TG: variants seen among roughly 807,000 people sequenced by gnomAD.
TG encodes the protein thyroglobulin, also known as thyroid hormones.
In TG, 270 loss-of-function variants were observed where a neutral mutation model predicts 324.7. The ratio of observed to expected loss-of-function variants is 0.83; its 90% CI spans 0.75 to 0.92. The LOEUF (loss-of-function observed/expected upper bound fraction) is 0.92. Ranked by LOEUF, TG falls within the 40% of genes least tolerant of loss-of-function variation. TG has a pLI of 0.00. For missense variants in TG, 3,591 were observed against 3,456.4 expected (o/e 1.04, Z -0.98); for synonymous variants, 1,401 against 1,327.0 (o/e 1.06, Z -1.21).
intron 45 of TG, among the ~76,000 whole-genome samples, chr8:133,124,345 T>C (rs1018822366): frequency 6.6e-6 from 1 of 152,168 alleles, no homozygotes; most frequent in Admixed American, 6.5e-5. Flanking sequence ...TTAACTTTTC[T>C]TTGAATGGAA....
intron 20 of TG, among the ~76,000 whole-genome samples, chr8:132,915,457 G>C (rs1820157296): frequency 6.6e-6 from 1 of 152,228 alleles, no homozygotes; most frequent in South Asian, 2.1e-4. Context: ...AACTTTGCCT[G>C]AAGGGGAAAG....
chr8:132,913,768 G>C (rs1819883015), intron 20 of TG, among the ~76,000 whole-genome samples: 1 of 152,166 alleles, frequency 6.6e-6, no homozygotes, highest in African/African-American at 2.4e-5. Context: ...AGTTGCATTA[G>C]TTTCCTGTTG....
At chr8:132,895,101 G>C (rs1204750919) in intron 11 of TG, among the ~76,000 whole-genome samples, 2 of 152,208 alleles carry the variant, frequency 1.3e-5, no homozygotes, top group African/African-American at 2.4e-5. Context: ...CAGCTGCTCT[G>C]GCAGGAGAAC....
intron 23 of TG, among the ~76,000 whole-genome samples, chr8:132,932,160 G>T (rs750428865): frequency 6.6e-6 from 1 of 151,980 alleles, no homozygotes; most frequent in Non-Finnish European, 1.5e-5. Context: ...ACAGTTTCTG[G>T]GTAAAATGAC....
At chr8:132,870,248 A>AT (rs1481441900) in intron 3 of TG, among the ~76,000 whole-genome samples, 1 of 151,796 alleles carries the variant, frequency 6.6e-6, no homozygotes, top group Non-Finnish European at 1.5e-5. Context: ...TATTTAAAGC[A>AT]TGTCATAACT....
At position 132,988,842 on chromosome 8, in the gene TG, A is replaced by T. The variant is rs957642596; in HGVS notation, c.6262+5430A>T. 4.1e-6 allele frequency: 4 copies of T among 985,316 alleles called. No individual in the cohort carries two copies. In the African/African-American group the frequency reaches 7.0e-5, roughly 17 times the overall value. 61.0% of individuals were successfully genotyped at this position (985,316 alleles called of 1,614,324 possible). A position where few individuals can be genotyped will look rare whatever the true frequency, so the allele number is the denominator to read the frequency against. ...TGGGATCTCCTAAGGGTTTATTCCC[A>T]GGACAACGAGCATTCAGCTTGCCAT... On this transcript the variant is annotated intron_variant, in intron 35 of 47. Transcript: ENST00000220616.
chr8:132,925,512 AGTGC>A (rs1554670063), intron 22 of TG, among the ~76,000 whole-genome samples: 1 of 67,178 alleles, frequency 1.5e-5, no homozygotes. Flanking sequence ...AGTCCTAAGG[AGTGC>A]GTGTGTGTGT....
At chr8:132,878,903 G>C (rs1055014963) in intron 5 of TG, among the ~76,000 whole-genome samples, 1 of 152,150 alleles carries the variant, frequency 6.6e-6, no homozygotes, top group African/African-American at 2.4e-5. Context: ...CTTTGGTCCA[G>C]CTGGCCCAAG....
intron 25 of TG, 106 bp from the exon 26 acceptor site, chr8:132,941,245 G>A: frequency 7.5e-7 from 1 of 1,341,904 alleles, no homozygotes; most frequent in Non-Finnish European, 1.1e-6. Flanking sequence ...GCTGCCTGGA[G>A]CACTGTTGCA....
At chr8:133,043,349 G>C (rs566585348) in intron 41 of TG, among the ~76,000 whole-genome samples, 1 of 152,136 alleles carries the variant, frequency 6.6e-6, no homozygotes, top group Non-Finnish European at 1.5e-5. Context: ...CACCCCCTCC[G>C]ATGGTTGTTA....
At chr8:133,080,002 C>A (rs878878693) in intron 41 of TG, among the ~76,000 whole-genome samples, 1 of 151,902 alleles carries the variant, frequency 6.6e-6, no homozygotes, top group Non-Finnish European at 1.5e-5. Flanking sequence ...TGAACCCCTT[C>A]AATGTGTTAG....
chr8:133,096,242 C>T lies in TG; in HGVS notation c.7441C>T (p.Pro2481Ser). Residue 2481 changes from proline to serine, a missense_variant, in exon 43 of 48, where the codon CCT (proline) becomes TCT (serine). Coordinates refer to ENST00000220616, the MANE Select transcript of TG (RefSeq NM_003235.5). Reference protein sequence around the residue: ...AVSGPFHYWGPVIDGHFLREP... With the variant: ...AVSGPFHYWGSVIDGHFLREP... Reference sequence around the variant, plus strand: ...GAGTGGCCCTTTCCACTACTGGGGTCCTGTGATCGATGGCCACTTCCTCCG... The same window carrying T: ...GAGTGGCCCTTTCCACTACTGGGGTTCTGTGATCGATGGCCACTTCCTCCG... 3 of 1,614,232 alleles carry T rather than the reference C, an allele frequency of 1.9e-6. No homozygotes were observed. Among genetic ancestry groups the T allele is most frequent in the South Asian group, 1.1e-5 (1 of 91,086 alleles).
At chr8:133,063,605 G>A (rs1807822291) in intron 41 of TG, 1 of 152,142 alleles carries the variant, frequency 6.6e-6, no homozygotes, top group Admixed American at 6.5e-5. Flanking sequence ...GAGAAAGTTT[G>A]AGTCAGTCCT....
chr8:133,023,868 G>A (rs62515997), intron 40 of TG, among the ~76,000 whole-genome samples: 35,886 of 152,102 alleles, frequency 0.24, 4,349 homozygotes, highest in Non-Finnish European at 0.25. Flanking sequence ...TTTGGCTGCC[G>A]GCAGGGGCAG....
chr8:132,953,608 C>A (rs982752097), intron 27 of TG, among the ~76,000 whole-genome samples: 1 of 152,156 alleles, frequency 6.6e-6, no homozygotes, highest in Non-Finnish European at 1.5e-5. Flanking sequence ...CAATTATACC[C>A]CAAACAACTA....
At chr8:133,045,602 C>T (rs142444593) in intron 41 of TG, among the ~76,000 whole-genome samples, 1 of 152,084 alleles carries the variant, frequency 6.6e-6, no homozygotes, top group African/African-American at 2.4e-5. Flanking sequence ...GCTACATTGC[C>T]CAGGCTGATC....
chr8:133,019,496 T>C (rs977317484), intron 38 of TG, 106 bp from the exon 39 acceptor site: 25 of 895,746 alleles, frequency 2.8e-5, no homozygotes, highest in Non-Finnish European at 4.0e-5. Context: ...GCAGAGCTGG[T>C]GGGATGCCAG....
intron 41 of TG, among the ~76,000 whole-genome samples, chr8:133,086,199 G>T (rs1846536098): frequency 6.6e-6 from 1 of 152,204 alleles, no homozygotes; most frequent in Non-Finnish European, 1.5e-5. Flanking sequence ...GCGGCTGGGA[G>T]TGAGGGTGGA....
chr8:133,048,308 C>T (rs1157285168), intron 41 of TG, among the ~76,000 whole-genome samples: 1 of 152,108 alleles, frequency 6.6e-6, no homozygotes, highest in Non-Finnish European at 1.5e-5. Context: ...GCATCCTCCA[C>T]CTTCCAGGTT....
Sources: allele counts gnomAD v4.1 joint callset (sites outside exome capture counted in the v4.1 genomes callset), GRCh38; gene constraint gnomAD v4.1.1; transcripts MANE v1.5; gene names NCBI Gene and HGNC (gene_info 2026-07-23, HGNC 2026-07-21).